PCDH9: variants seen among roughly 807,000 people sequenced by gnomAD.
PCDH9 encodes the protein protocadherin-9.
In PCDH9, 24 loss-of-function variants were observed where a neutral mutation model predicts 70.6. That is an observed-to-expected ratio of 0.34 (90% CI 0.25 to 0.48). The LOEUF is 0.48. Among genes scored for constraint, PCDH9 ranks in the 20% least tolerant of loss-of-function variants. The pLI is 0.99. For synonymous variants in PCDH9, 562 were observed against 558.5 expected, an observed-to-expected ratio of 1.01 and a Z score of -0.09; for missense variants, 1,281 against 1,503.6, an observed-to-expected ratio of 0.85 and a Z score of 2.45.
At chr13:67,165,697 C>G (rs1171080599) in intron 2 of PCDH9, among the ~76,000 whole-genome samples, 2 of 151,948 alleles carry the variant, frequency 1.3e-5, no homozygotes, top group Non-Finnish European at 2.9e-5. Flanking sequence ...GTTTTTGGAA[C>G]CTAAGTCAAT....
intron 3 of PCDH9, among the ~76,000 whole-genome samples, chr13:66,676,717 T>A (rs1015059195): frequency 1.4e-4 from 21 of 152,210 alleles, no homozygotes; most frequent in Non-Finnish European, 2.6e-4. Flanking sequence ...CAATCTCATA[T>A]CCAACTAAGG....
intron 4 of PCDH9, among the ~76,000 whole-genome samples, chr13:66,510,328 A>T (rs923897534): frequency 5.9e-5 from 9 of 151,796 alleles, no homozygotes; most frequent in African/African-American, 2.2e-4. Context: ...CTTGAATAGT[A>T]TATTATGATT....
At position 66,641,304 on chromosome 13, in the gene PCDH9, C is replaced by G. The variant is rs561402203; in HGVS notation, c.3139-9893G>C. Among the ~76,000 whole-genome samples, 3 of 152,270 alleles carry G rather than the reference C, an allele frequency of 2.0e-5. No homozygotes were observed. The East Asian group carries it at 5.8e-4, about 29-fold the overall frequency. ...CTTTCTAGTCTATGATTCAAGGAGA[C>G]AGCCATATAACTATTAATTAGCATA... On this transcript the variant is annotated intron_variant, in intron 3 of 4. Coordinates refer to ENST00000377865, the MANE Select transcript of PCDH9 (RefSeq NM_203487.3).
At position 66,764,722 on chromosome 13, in the gene PCDH9, A is replaced by G. The variant is rs539517614; in HGVS notation, c.3139-133311T>C. ...ATACAAATTAAGTAATTTTTGACCA[A>G]GCAAAGAAGTGATCACCAAGGCCAA... On this transcript the variant is annotated intron_variant, in intron 3 of 4. Coordinates refer to ENST00000377865, the MANE Select transcript of PCDH9 (RefSeq NM_203487.3). 3.9e-5 allele frequency among the ~76,000 whole-genome samples: 6 copies of G among 152,158 alleles called. No individual in the cohort carries two copies. The South Asian group carries it at 6.2e-4, about 16-fold the overall frequency.
intron 4 of PCDH9, among the ~76,000 whole-genome samples, chr13:66,479,717 C>T (rs1168374638): frequency 1.3e-5 from 2 of 152,174 alleles, no homozygotes; most frequent in East Asian, 3.9e-4. Flanking sequence ...TGTAAATTCA[C>T]CAATCAGCAC....
At chr13:66,692,547 C>T (rs1248044644) in intron 3 of PCDH9, among the ~76,000 whole-genome samples, 15 of 151,946 alleles carry the variant, frequency 9.9e-5, no homozygotes, top group Admixed American at 9.8e-4. Flanking sequence ...TCCAATGGAG[C>T]CAATGGATTT....
chr13:67,228,551 C>T lies in PCDH9; in HGVS notation c.-111G>A, dbSNP rs2089939741. On this transcript the variant is annotated 5_prime_UTR_variant, in exon 2 of 5. Transcript: ENST00000377865. ...GCATGGACTGGAGGATGCATTATAT[C>T]TCATCACTTATTTGGAGACAGCCGC... 1.2e-6 allele frequency: 1 copy of T among 802,898 alleles called. No individual in the cohort carries two copies. Among genetic ancestry groups the T allele is most frequent in the Non-Finnish European group, 1.9e-6 (1 of 524,454 alleles). 49.7% of individuals were successfully genotyped at this position (802,898 alleles called of 1,614,324 possible). A position where few individuals can be genotyped will look rare whatever the true frequency, so the allele number is the denominator to read the frequency against.
At chr13:66,804,044 GC>G (rs2139346234) in intron 3 of PCDH9, among the ~76,000 whole-genome samples, 1 of 152,292 alleles carries the variant, frequency 6.6e-6, no homozygotes, top group South Asian at 2.1e-4. Context: ...GCTACAAGCA[GC>G]CATTTGCCTG....
At chr13:66,738,000 C>A (rs2079184085) in intron 3 of PCDH9, among the ~76,000 whole-genome samples, 1 of 152,198 alleles carries the variant, frequency 6.6e-6, no homozygotes, top group African/African-American at 2.4e-5. Flanking sequence ...CACCACAGCT[C>A]AAGGAGGCCT....
In PCDH9 at chr13:66,593,582, CTTA is replaced by C. The variant is rs1938223468; in HGVS notation, c.3340+37625_3340+37627del. Among the ~76,000 whole-genome samples the C allele has an allele frequency of 5.3e-5, 8 of 151,624 alleles. 1 individual carries two copies. In the South Asian group the frequency reaches 1.7e-3, roughly 32 times the overall value. On this transcript the variant is annotated intron_variant, in intron 4 of 4. Transcript: ENST00000377865. The stretch of plus-strand genomic sequence containing the variant: ...AACATTAAAATACCTCGTGGTTTTT[CTTA>C]TAGGAGAAAAATTTTTGACAATGGT...
intron 1 of PCDH9, among the ~76,000 whole-genome samples, 192 bp from the exon 2 acceptor site, chr13:67,228,767 T>A (rs1306972247): frequency 6.6e-6 from 1 of 152,158 alleles, no homozygotes; most frequent in Non-Finnish European, 1.5e-5. Flanking sequence ...GAAAATAAAA[T>A]TTTCTACTTT....
At chr13:66,913,894 G>A (rs1281821169) in intron 2 of PCDH9, among the ~76,000 whole-genome samples, 2 of 151,646 alleles carry the variant, frequency 1.3e-5, no homozygotes, top group Non-Finnish European at 2.9e-5. Context: ...ATTTCCACAT[G>A]TTTTTTTAAT....
chr13:66,373,953 C>T (rs1190027941), intron 4 of PCDH9, among the ~76,000 whole-genome samples: 1 of 152,008 alleles, frequency 6.6e-6, no homozygotes, highest in Non-Finnish European at 1.5e-5. Context: ...TTCAAAAATA[C>T]ATTTATTAGT....
At chr13:67,081,991 A>C (rs1325776510) in intron 2 of PCDH9, among the ~76,000 whole-genome samples, 4 of 152,164 alleles carry the variant, frequency 2.6e-5, no homozygotes, top group Admixed American at 6.6e-5. Flanking sequence ...CTTGGAGATA[A>C]ATGTACACTT....
chr13:67,061,299 T>TC (rs2085534173), intron 2 of PCDH9, among the ~76,000 whole-genome samples: 1 of 152,080 alleles, frequency 6.6e-6, no homozygotes, highest in African/African-American at 2.4e-5. Context: ...GGCTTTTTTT[T>TC]CTGTTTATTT....
At chr13:66,779,678 G>T (rs899585248) in intron 3 of PCDH9, among the ~76,000 whole-genome samples, 4 of 151,740 alleles carry the variant, frequency 2.6e-5, no homozygotes, top group African/African-American at 7.3e-5. Flanking sequence ...AAAATTAGCT[G>T]GGCGTAGTGG....
At chr13:66,485,952 T>A (rs1958932344) in intron 4 of PCDH9, among the ~76,000 whole-genome samples, 1 of 152,108 alleles carries the variant, frequency 6.6e-6, no homozygotes, top group African/African-American at 2.4e-5. Flanking sequence ...GGTCTCGAAC[T>A]CCTGACTTCA....
chr13:66,537,426 T>A (rs1023940048), intron 4 of PCDH9, among the ~76,000 whole-genome samples: 1 of 152,108 alleles, frequency 6.6e-6, no homozygotes, highest in African/African-American at 2.4e-5. Context: ...GATCAGTTGA[T>A]ATATTATGTA....
chr13:67,229,533 G>A (rs375908054), intron 1 of PCDH9, among the ~76,000 whole-genome samples: 6 of 152,288 alleles, frequency 3.9e-5, no homozygotes, highest in Non-Finnish European at 8.8e-5. Flanking sequence ...TGGGTGCAAG[G>A]CTCCAGGCAG....
Sources: gnomAD v4.1 joint callset for allele counts (sites outside exome capture counted in the v4.1 genomes callset) on GRCh38, gnomAD v4.1.1 for gene constraint, MANE v1.5 for transcripts, NCBI Gene and HGNC (gene_info 2026-07-23, HGNC 2026-07-21) for gene names.